Variants in SH3RF3 observed in about 807,000 individuals in gnomAD.
The protein encoded by SH3RF3 is SH3 domain containing ring finger 3.
Under a neutral mutation model 66.3 loss-of-function variants are expected in SH3RF3, and 29 were observed. The ratio of observed to expected loss-of-function variants is 0.44; its 90% CI spans 0.33 to 0.60. The LOEUF (loss-of-function observed/expected upper bound fraction) is 0.60, where lower values mean the gene tolerates loss of function less well. Ranked by LOEUF, SH3RF3 falls within the 20% of genes least tolerant of loss-of-function variation. The pLI is 0.04. For synonymous variants in SH3RF3, 583 were observed against 532.0 expected (o/e 1.10, Z -1.32); for missense variants, 1,194 against 1,190.9 (o/e 1.00, Z -0.04).
chr2:109,188,795 C>G (rs1157024777), intron 1 of SH3RF3, among the ~76,000 whole-genome samples: 1 of 152,172 alleles, frequency 6.6e-6, no homozygotes, highest in Admixed American at 6.5e-5. Flanking sequence ...TATTTATTGA[C>G]ATCCATGAAC....
At chr2:109,268,202 G>A (rs1055897649) in intron 1 of SH3RF3, among the ~76,000 whole-genome samples, 5 of 152,060 alleles carry the variant, frequency 3.3e-5, no homozygotes, top group Non-Finnish European at 7.4e-5. Flanking sequence ...GGCTAGAATA[G>A]GTTTATCTTC....
chr2:109,344,447 C>T (rs1682634913), intron 1 of SH3RF3, among the ~76,000 whole-genome samples: 1 of 152,176 alleles, frequency 6.6e-6, no homozygotes, highest in South Asian at 2.1e-4. Context: ...TGCTGTCTGC[C>T]GTGGCTGGGC....
intron 4 of SH3RF3, among the ~76,000 whole-genome samples, chr2:109,412,503 T>C (rs1027133863): frequency 1.3e-5 from 2 of 152,198 alleles, no homozygotes; most frequent in African/African-American, 4.8e-5. Context: ...TCATCTTAGG[T>C]TCCCACTCTT....
intron 1 of SH3RF3, among the ~76,000 whole-genome samples, chr2:109,148,264 C>T (rs61419309): frequency 0.15 from 22,282 of 152,162 alleles, 2,807 homozygotes; most frequent in East Asian, 0.65. Context: ...AGATGGGCCC[C>T]GATCATGCCA....
chr2:109,303,505 G>A (rs1681520906), intron 1 of SH3RF3, among the ~76,000 whole-genome samples: 1 of 152,194 alleles, frequency 6.6e-6, no homozygotes, highest in Admixed American at 6.5e-5. Context: ...TCAGGCCTAG[G>A]TAGCCAGTAA....
At chr2:109,468,532 C>T (rs577629412) in intron 8 of SH3RF3, among the ~76,000 whole-genome samples, 2 of 152,152 alleles carry the variant, frequency 1.3e-5, no homozygotes, top group Admixed American at 1.3e-4. Context: ...TGGCAAGAAG[C>T]GAGCACAAAC....
At chr2:109,230,603 A>G (rs1679483889) in intron 1 of SH3RF3, among the ~76,000 whole-genome samples, 1 of 152,140 alleles carries the variant, frequency 6.6e-6, no homozygotes, top group Non-Finnish European at 1.5e-5. Flanking sequence ...GAAAGAAAAG[A>G]AACTGTAACC....
chr2:109,249,711 G>A (rs1156892217), intron 1 of SH3RF3, among the ~76,000 whole-genome samples: 3 of 150,128 alleles, frequency 2.0e-5, no homozygotes, highest in Non-Finnish European at 3.0e-5. Context: ...ACAGTGGTGC[G>A]ATCTCAGCTC....
intron 8 of SH3RF3, among the ~76,000 whole-genome samples, chr2:109,484,266 C>T (rs1678911799): frequency 1.3e-5 from 2 of 152,062 alleles, no homozygotes; most frequent in South Asian, 4.1e-4. Flanking sequence ...GGGGTTTCAC[C>T]ATGTTGGCCA....
chr2:109,201,631 C>T (rs983712102), intron 1 of SH3RF3, among the ~76,000 whole-genome samples: 2 of 152,168 alleles, frequency 1.3e-5, no homozygotes, highest in African/African-American at 4.8e-5. Flanking sequence ...GCATGGCCTT[C>T]GTTTGGGACG....
At chr2:109,439,914 G>A (rs1196021724) in intron 7 of SH3RF3, among the ~76,000 whole-genome samples, 1 of 152,188 alleles carries the variant, frequency 6.6e-6, no homozygotes, top group Non-Finnish European at 1.5e-5. Context: ...AGAGTGTGGA[G>A]GAGGGAATTC....
At chr2:109,147,227 G>C (rs1677120701) in intron 1 of SH3RF3, among the ~76,000 whole-genome samples, 1 of 152,146 alleles carries the variant, frequency 6.6e-6, no homozygotes, top group Non-Finnish European at 1.5e-5. Context: ...AATTACAGCT[G>C]TCCGCTGCTG....
intron 8 of SH3RF3, among the ~76,000 whole-genome samples, chr2:109,480,439 AAGAG>A (rs560214191): frequency 6.5e-4 from 99 of 152,280 alleles, no homozygotes; most frequent in African/African-American, 2.3e-3. Flanking sequence ...GGCTGAGAAA[AAGAG>A]AGTAATAAGG....
At chr2:109,323,646 G>T in intron 1 of SH3RF3, among the ~76,000 whole-genome samples, 1 of 152,210 alleles carries the variant, frequency 6.6e-6, no homozygotes, top group East Asian at 1.9e-4. Flanking sequence ...TGGTGAGGTT[G>T]AGCTGTGTGT....
chr2:109,228,399 T>C (rs747234404), intron 1 of SH3RF3, among the ~76,000 whole-genome samples: 10 of 152,214 alleles, frequency 6.6e-5, no homozygotes, highest in Non-Finnish European at 1.0e-4. Flanking sequence ...GAAAACCAAC[T>C]GTTTTCCTTG....
intron 6 of SH3RF3, among the ~76,000 whole-genome samples, chr2:109,436,488 G>T (rs745872782): frequency 6.6e-6 from 1 of 152,230 alleles, no homozygotes; most frequent in African/African-American, 2.4e-5. Flanking sequence ...GAGGGGGCCC[G>T]CGTCCTTGCC....
chr2:109,216,931 A>C (rs1318852615), intron 1 of SH3RF3, among the ~76,000 whole-genome samples: 2 of 152,094 alleles, frequency 1.3e-5, no homozygotes, highest in Non-Finnish European at 2.9e-5. Flanking sequence ...CTGTCCCCAT[A>C]AACACTTAAC....
intron 1 of SH3RF3, among the ~76,000 whole-genome samples, chr2:109,296,546 GA>G (rs2105381181): frequency 6.6e-6 from 1 of 152,274 alleles, no homozygotes; most frequent in East Asian, 1.9e-4. Flanking sequence ...CCAGCCTTCA[GA>G]ATGACCTTTT....
At chr2:109,356,314 C>A (rs1327597286) in intron 2 of SH3RF3, among the ~76,000 whole-genome samples, 1 of 152,178 alleles carries the variant, frequency 6.6e-6, no homozygotes, top group Non-Finnish European at 1.5e-5. Flanking sequence ...GAATTTCCCA[C>A]ATTGATATTT....
Sources: allele counts gnomAD v4.1 joint callset (sites outside exome capture counted in the v4.1 genomes callset), GRCh38; gene constraint gnomAD v4.1.1; transcripts MANE v1.5; gene names NCBI Gene and HGNC (gene_info 2026-07-23, HGNC 2026-07-21).